Variants in WDR17 observed in about 807,000 individuals in gnomAD.
WDR17 encodes WD repeat-containing protein 17.
In WDR17, 143 loss-of-function variants were observed where a neutral mutation model predicts 161.7. That is an observed-to-expected ratio of 0.88 (90% CI 0.77 to 1.02). The LOEUF (loss-of-function observed/expected upper bound fraction) is 1.02, where lower values mean the gene tolerates loss of function less well. Ranked by LOEUF, WDR17 falls within the 50% of genes least tolerant of loss-of-function variation. The pLI, the probability that WDR17 is intolerant of heterozygous loss-of-function variation, is 0.00. For synonymous variants in WDR17, 517 were observed against 515.6 expected (o/e 1.00, Z -0.04); for missense variants, 1,469 against 1,520.9 (o/e 0.97, Z 0.57).
intron 1 of WDR17, among the ~76,000 whole-genome samples, chr4:176,099,096 C>T (rs533450949): frequency 6.6e-6 from 1 of 152,084 alleles, no homozygotes; most frequent in African/African-American, 2.4e-5. Context: ...AATAAATAAG[C>T]AGAGAAACTG....
At chr4:176,097,094 C>A (rs1737001104) in intron 1 of WDR17, among the ~76,000 whole-genome samples, 1 of 151,850 alleles carries the variant, frequency 6.6e-6, no homozygotes, top group Admixed American at 6.6e-5. Flanking sequence ...AGTGTGGCAA[C>A]ATTTGCATAG....
chr4:176,069,772 T>C (rs1222966502), intron 1 of WDR17, among the ~76,000 whole-genome samples: 3 of 152,076 alleles, frequency 2.0e-5, no homozygotes, highest in African/African-American at 7.2e-5. Flanking sequence ...AAGTAGAAAA[T>C]AATTTTTATT....
intron 4 of WDR17, among the ~76,000 whole-genome samples, chr4:176,121,949 T>C (rs527873086): frequency 2.4e-4 from 37 of 152,330 alleles, no homozygotes; most frequent in African/African-American, 8.9e-4. Flanking sequence ...TATACCCAAG[T>C]CAGCATGTGT....
chr4:176,069,639 C>T (rs78975338), intron 1 of WDR17, among the ~76,000 whole-genome samples: 2,212 of 152,128 alleles, frequency 0.015, 68 homozygotes, highest in African/African-American at 0.05. Flanking sequence ...TTTCTTCTTC[C>T]AGATTCTTCC....
chr4:176,163,122 C>A (rs755916073), intron 21 of WDR17, 32 bp from the exon 22 acceptor site: 18 of 1,613,730 alleles, frequency 1.1e-5, no homozygotes, highest in Non-Finnish European at 1.3e-5. Context: ...AGCTTCTATG[C>A]AACTGAAGAA....
intron 6 of WDR17, among the ~76,000 whole-genome samples, chr4:176,130,403 A>G (rs1435135851): frequency 1.3e-5 from 2 of 152,206 alleles, no homozygotes; most frequent in Non-Finnish European, 2.9e-5. Context: ...AGAAATGAAT[A>G]TTATCCATAA....
intron 1 of WDR17, 95 bp from the exon 2 acceptor site, chr4:176,111,480 C>G (rs916773997): frequency 6.7e-6 from 9 of 1,350,360 alleles, no homozygotes; most frequent in Non-Finnish European, 5.9e-6. Flanking sequence ...TTTTTCAGGG[C>G]ACACAGGTAA....
At chr4:176,131,022 A>C (rs919388531) in intron 6 of WDR17, among the ~76,000 whole-genome samples, 1 of 152,188 alleles carries the variant, frequency 6.6e-6, no homozygotes, top group Non-Finnish European at 1.5e-5. Context: ...ACATCTAGGA[A>C]GAAAGAAAAT....
intron 4 of WDR17, among the ~76,000 whole-genome samples, chr4:176,121,080 T>C (rs1741503659): frequency 6.6e-6 from 1 of 152,182 alleles, no homozygotes; most frequent in Non-Finnish European, 1.5e-5. Flanking sequence ...CTCTCAGCTC[T>C]TTGTACACGT....
intron 1 of WDR17, among the ~76,000 whole-genome samples, chr4:176,086,720 A>G (rs1735469422): frequency 6.6e-6 from 1 of 151,770 alleles, no homozygotes; most frequent in African/African-American, 2.4e-5. Context: ...TGAATTTTTT[A>G]ATGTAGATGC....
chr4:176,141,730 GC>G (rs1472531925), intron 10 of WDR17, among the ~76,000 whole-genome samples: 1 of 152,140 alleles, frequency 6.6e-6, no homozygotes, highest in Non-Finnish European at 1.5e-5. Flanking sequence ...ACCGTGCCCG[GC>G]CAAGAAAATA....
intron 22 of WDR17, among the ~76,000 whole-genome samples, chr4:176,163,529 G>C (rs545949017): frequency 6.6e-6 from 1 of 152,270 alleles, no homozygotes; most frequent in Admixed American, 6.5e-5. Context: ...TAATTCCGTA[G>C]TGTTTCAAGC....
intron 3 of WDR17, 45 bp from the exon 4 acceptor site, chr4:176,119,822 C>T (rs771998199): frequency 1.1e-4 from 167 of 1,527,652 alleles, no homozygotes; most frequent in Non-Finnish European, 1.5e-4. Context: ...ATGGTGTAAT[C>T]TTATGCTGTA....
chr4:176,166,161 T>C, intron 22 of WDR17: 1 of 894,554 alleles, frequency 1.1e-6, no homozygotes, highest in South Asian at 1.8e-5. Context: ...TCTACTTTTA[T>C]TTAAGAACAC....
chr4:176,113,534 T>A (rs574306833), intron 2 of WDR17, among the ~76,000 whole-genome samples: 3 of 152,182 alleles, frequency 2.0e-5, no homozygotes, highest in African/African-American at 7.2e-5. Context: ...TTCATTACAA[T>A]GTCCACTATA....
At chr4:176,153,295 T>G (rs1189737625) in intron 17 of WDR17, among the ~76,000 whole-genome samples, 1 of 152,230 alleles carries the variant, frequency 6.6e-6, no homozygotes, top group Non-Finnish European at 1.5e-5. Flanking sequence ...AATCCCACAC[T>G]GGCCAGAAGA....
rs771365686 is a variant in WDR17 at position 176,163,277 on chromosome 4, A to G, written c.2974A>G (p.Met992Val). 9 of 1,609,978 alleles carry G rather than the reference A, an allele frequency of 5.6e-6. No homozygotes were observed. Among genetic ancestry groups the G allele is most frequent in the Non-Finnish European group, 7.6e-6 (9 of 1,178,730 alleles). Residue 992 changes from methionine to valine, a missense_variant, in exon 22 of 29, where the codon ATG becomes GTG. Coordinates refer to ENST00000508596, the MANE Select transcript of WDR17 (RefSeq NM_181265.4). ...YALELLARKC[M>V]MISVWNLAAD... ...CTTAGAATTACTGGCGAGAAAGTGC[A>G]TGATGATTTCAGTATGGTAAGAATT...
chr4:176,087,249 G>C (rs901150947), intron 1 of WDR17, among the ~76,000 whole-genome samples: 1 of 150,728 alleles, frequency 6.6e-6, no homozygotes, highest in Non-Finnish European at 1.5e-5. Context: ...GAATTTACTA[G>C]GTTTTGTTTG....
chr4:176,168,824 G>C (rs1750271812), intron 23 of WDR17, 41 bp downstream of exon 23: 1 of 1,580,772 alleles, frequency 6.3e-7, no homozygotes, highest in Non-Finnish European at 8.6e-7. Context: ...GGAATGCAGT[G>C]CTATGATTTA....
Sources: gnomAD v4.1 joint callset for allele counts (sites outside exome capture counted in the v4.1 genomes callset) on GRCh38, gnomAD v4.1.1 for gene constraint, MANE v1.5 for transcripts, NCBI Gene and HGNC (gene_info 2026-07-23, HGNC 2026-07-21) for gene names.